KLRF1: variants seen among roughly 807,000 people sequenced by gnomAD.
The protein encoded by KLRF1 is killer cell lectin like receptor F1, also known as killer cell lectin-like receptor subfamily F member 1.
KLRF1 carries 27 observed loss-of-function variants against 30.7 expected under a neutral mutation model. That is an observed-to-expected ratio of 0.88 (90% CI 0.65 to 1.21). KLRF1 has a LOEUF of 1.21. Among genes scored for constraint, KLRF1 ranks in the 50% most tolerant of loss-of-function variants. The probability of loss-of-function intolerance (pLI) is 0.00; values close to 1 mark genes in which losing one functional copy is unlikely to be tolerated. For synonymous variants in KLRF1, 92 were observed against 89.3 expected (o/e 1.03, Z -0.17); for missense variants, 246 against 259.3 (o/e 0.95, Z 0.35).
the KLRF1 span, among the ~76,000 whole-genome samples, chr12:9,810,653 A>G: frequency 6.6e-6 from 1 of 152,196 alleles, no homozygotes; most frequent in African/African-American, 2.4e-5. Context: ...GAACAATTCT[A>G]TAGGTGCTAG....
rs1317026417 is a variant in KLRF1 at position 9,827,497 on chromosome 12, A to C, written c.-48A>C. On this transcript the variant is annotated 5_prime_UTR_variant, in exon 1 of 6. Coordinates refer to ENST00000617889, the MANE Select transcript of KLRF1 (RefSeq NM_016523.3). Reference sequence around the variant, plus strand: ...TCTTTCCTCATTTCATGTTATACTTAATAAAACAAAACATACCTGTATACA... The same window carrying C: ...TCTTTCCTCATTTCATGTTATACTTCATAAAACAAAACATACCTGTATACA... 2.9e-6 allele frequency: 3 copies of C among 1,050,768 alleles called. No homozygotes were observed. The highest frequency in any genetic ancestry group is 4.3e-6 in the Non-Finnish European group (3 of 705,288). The allele number at this position is 1,050,768 out of a possible 1,614,324, so 65.1% of individuals were successfully genotyped here.
chr12:9,816,198 C>T, the KLRF1 span, among the ~76,000 whole-genome samples: 1 of 152,216 alleles, frequency 6.6e-6, no homozygotes, highest in African/African-American at 2.4e-5. Context: ...TCCTGTTCAT[C>T]AGGATAATGG....
chr12:9,822,217 A>G, the KLRF1 span, among the ~76,000 whole-genome samples: 4 of 152,242 alleles, frequency 2.6e-5, no homozygotes, highest in Non-Finnish European at 5.9e-5. Context: ...AGAAATGAAG[A>G]TCATCAGCAT....
chr12:9,832,185 C>T (rs1159481513), intron 1 of KLRF1, 131 bp from the exon 2 acceptor site: 1 of 530,388 alleles, frequency 1.9e-6, no homozygotes, highest in African/African-American at 1.9e-5. Context: ...ACTTAGCCTT[C>T]ATGCTTTTGA....
the KLRF1 span, among the ~76,000 whole-genome samples, chr12:9,815,822 A>G: frequency 6.6e-6 from 1 of 151,866 alleles, no homozygotes; most frequent in Non-Finnish European, 1.5e-5. Context: ...TCCTCTTCTT[A>G]TTCTTCTTCT....
the KLRF1 span, among the ~76,000 whole-genome samples, chr12:9,820,745 A>T: frequency 6.6e-6 from 1 of 152,218 alleles, no homozygotes; most frequent in Non-Finnish European, 1.5e-5. Flanking sequence ...AGGAAATCAC[A>T]GAGTCAACCC....
intron 3 of KLRF1, among the ~76,000 whole-genome samples, chr12:9,838,046 A>G (rs1404923764): frequency 1.3e-5 from 2 of 152,114 alleles, no homozygotes; most frequent in Admixed American, 1.3e-4. Context: ...AAATTGGTGA[A>G]ACAATTACAA....
intron 3 of KLRF1, among the ~76,000 whole-genome samples, chr12:9,840,810 T>C (rs1234641588): frequency 6.6e-6 from 1 of 151,840 alleles, no homozygotes; most frequent in African/African-American, 2.4e-5. Context: ...AACGTGCTGG[T>C]GAGGGTGTGG....
At chr12:9,803,645 T>G in the KLRF1 span, among the ~76,000 whole-genome samples, 2 of 152,076 alleles carry the variant, frequency 1.3e-5, no homozygotes, top group Non-Finnish European at 2.9e-5. Context: ...TTTTCTCTTC[T>G]TCTTATTTTT....
the KLRF1 span, among the ~76,000 whole-genome samples, chr12:9,814,947 C>G: frequency 6.6e-6 from 1 of 151,976 alleles, no homozygotes; most frequent in Admixed American, 6.6e-5. Context: ...CTATAGTTAA[C>G]GACGATGTAT....
chr12:9,821,423 C>T, the KLRF1 span, among the ~76,000 whole-genome samples: 7 of 152,118 alleles, frequency 4.6e-5, no homozygotes, highest in Non-Finnish European at 8.8e-5. Context: ...AAGCAACAGT[C>T]GACCCAAGGA....
chr12:9,829,638 T>TA (rs1289235998), intron 1 of KLRF1, among the ~76,000 whole-genome samples: 1 of 152,186 alleles, frequency 6.6e-6, no homozygotes, highest in African/African-American at 2.4e-5. Flanking sequence ...CACATGCCTG[T>TA]AGTCCTAGCT....
chr12:9,838,307 C>G (rs1040228891), intron 3 of KLRF1, among the ~76,000 whole-genome samples: 2 of 152,204 alleles, frequency 1.3e-5, no homozygotes, highest in East Asian at 3.9e-4. Flanking sequence ...GCCCAAATTC[C>G]TCTTATTCCA....
chr12:9,833,589 G>A (rs1391669256), intron 3 of KLRF1, 137 bp downstream of exon 3: 8 of 643,576 alleles, frequency 1.2e-5, no homozygotes, highest in South Asian at 4.6e-5. Context: ...TTCAAAACTC[G>A]ATTTAGGTAT....
chr12:9,823,759 G>A (rs1867252379), upstream of KLRF1, among the ~76,000 whole-genome samples: 1 of 150,838 alleles, frequency 6.6e-6, no homozygotes, highest in Non-Finnish European at 1.5e-5. Context: ...AGACAAGAGA[G>A]AAGACTCAAA....
intron 3 of KLRF1, among the ~76,000 whole-genome samples, chr12:9,835,864 A>C (rs1299116321): frequency 6.6e-6 from 1 of 152,008 alleles, no homozygotes; most frequent in East Asian, 1.9e-4. Context: ...TTTTTTAAGT[A>C]AGTGTGGAGG....
the KLRF1 span, among the ~76,000 whole-genome samples, chr12:9,820,155 G>C: frequency 6.6e-6 from 1 of 151,552 alleles, no homozygotes; most frequent in Non-Finnish European, 1.5e-5. Context: ...CAGTGTGTTT[G>C]GGCCAGCAAC....
chr12:9,824,724 T>C (rs1867262227), upstream of KLRF1, among the ~76,000 whole-genome samples: 1 of 152,160 alleles, frequency 6.6e-6, no homozygotes, highest in African/African-American at 2.4e-5. Context: ...CCCCATACTC[T>C]TGGCCAAAAA....
At chr12:9,809,536 C>A in the KLRF1 span, among the ~76,000 whole-genome samples, 3 of 152,062 alleles carry the variant, frequency 2.0e-5, no homozygotes, top group African/African-American at 7.2e-5. Context: ...AAAAGGGCTG[C>A]TGGGAATAAG....
Sources: allele counts gnomAD v4.1 joint callset (sites outside exome capture counted in the v4.1 genomes callset), GRCh38; gene constraint gnomAD v4.1.1; transcripts MANE v1.5; gene names NCBI Gene and HGNC (gene_info 2026-07-23, HGNC 2026-07-21).